ADGRA3: variants seen among roughly 807,000 people sequenced by gnomAD.
ADGRA3 encodes adhesion G protein-coupled receptor A3.
Under a neutral mutation model 119.8 loss-of-function variants are expected in ADGRA3, and 56 were observed. That is an observed-to-expected ratio of 0.47 (90% confidence interval 0.38 to 0.58). The LOEUF is 0.58. ADGRA3 is among the 20% of genes least tolerant of loss of function. ADGRA3 has a pLI of 0.00. For missense variants in ADGRA3, 1,516 were observed against 1,649.0 expected, an observed-to-expected ratio of 0.92 and a Z score of 1.40; for synonymous variants, 607 against 623.8, an observed-to-expected ratio of 0.97 and a Z score of 0.40.
At chr4:22,413,858 C>T (rs201923837) in intron 12 of ADGRA3, 44 bp from the exon 13 acceptor site, 7 of 1,300,268 alleles carry the variant, frequency 5.4e-6, no homozygotes, top group East Asian at 2.5e-5. Context: ...TACATTAGTA[C>T]ATAGAAACCA....
chr4:22,443,152 C>A, intron 6 of ADGRA3: 2 of 651,378 alleles, frequency 3.1e-6, no homozygotes, highest in South Asian at 1.7e-5. Context: ...AAAGAACAAG[C>A]TGTGCTCTAG....
At chr4:22,438,192 G>T in intron 8 of ADGRA3, 64 bp downstream of exon 8, 1 of 1,398,098 alleles carries the variant, frequency 7.2e-7, no homozygotes, top group African/African-American at 1.4e-5. Flanking sequence ...CCAATAATGT[G>T]TCTTAGACAA....
chr4:22,506,771 G>T (rs753226514), intron 1 of ADGRA3, among the ~76,000 whole-genome samples: 2 of 152,058 alleles, frequency 1.3e-5, no homozygotes, highest in Non-Finnish European at 2.9e-5. Flanking sequence ...TCCTTGGGAG[G>T]AATAGTGTAC....
chr4:22,465,785 C>A (rs1717636306), intron 2 of ADGRA3, among the ~76,000 whole-genome samples: 1 of 152,138 alleles, frequency 6.6e-6, no homozygotes, highest in African/African-American at 2.4e-5. Flanking sequence ...CTAAAGGAAC[C>A]AAGTAAATTT....
chr4:22,422,753 G>C (rs532008290), intron 11 of ADGRA3, among the ~76,000 whole-genome samples: 24 of 152,276 alleles, frequency 1.6e-4, no homozygotes, highest in Admixed American at 1.3e-3. Flanking sequence ...CAGAGAAAGG[G>C]GGGAAGTTCT....
rs1443905476 is a variant in ADGRA3, at chr4:22,515,725, C to T, written c.60G>A (p.Ser20=). Residue 20 remains serine (S), a synonymous_variant, in exon 1 of 19, where the codon TCG becomes TCA. Coordinates refer to ENST00000334304, the MANE Select transcript of ADGRA3 (RefSeq NM_145290.4). ...CCAGCAGCGCGAGCAGCGCTAACAG[C>T]GAGAGCGGCAGCAACAGCGGCGGCT... ...RAQPPLLLPL[S]LLALLALLGG... 1.2e-5 allele frequency: 13 copies of T among 1,055,732 alleles called. No homozygotes were observed. Among genetic ancestry groups the T allele is most frequent in the Non-Finnish European group, 1.5e-5 (13 of 880,568 alleles). The allele number at this position is 1,055,732 out of a possible 1,614,324, so 65.4% of individuals were successfully genotyped here. A position where few individuals can be genotyped will look rare whatever the true frequency, so the allele number is the denominator to read the frequency against.
At chr4:22,444,505 C>CA (rs989769478) in intron 6 of ADGRA3, among the ~76,000 whole-genome samples, 8 of 152,230 alleles carry the variant, frequency 5.3e-5, no homozygotes, top group Admixed American at 1.3e-4. Flanking sequence ...AGGCTAGTCT[C>CA]AAACTCCTGA....
At chr4:22,434,833 G>A (rs572811089) in intron 10 of ADGRA3, among the ~76,000 whole-genome samples, 2 of 152,084 alleles carry the variant, frequency 1.3e-5, no homozygotes, top group Non-Finnish European at 2.9e-5. Context: ...TTTAAAACTT[G>A]TATAGTCCAA....
intron 1 of ADGRA3, among the ~76,000 whole-genome samples, chr4:22,505,920 G>A (rs1719219760): frequency 6.6e-6 from 1 of 152,168 alleles, no homozygotes; most frequent in Non-Finnish European, 1.5e-5. Flanking sequence ...AACCAGGGGT[G>A]GCACTGAATA....
chr4:22,414,643 A>C (rs1299417274), intron 12 of ADGRA3: 4 of 689,856 alleles, frequency 5.8e-6, no homozygotes, highest in Admixed American at 4.3e-5. Flanking sequence ...TTCCAGTTTA[A>C]ATAACACCTT....
intron 4 of ADGRA3, among the ~76,000 whole-genome samples, chr4:22,453,539 T>G (rs1717136304): frequency 6.6e-6 from 1 of 152,206 alleles, no homozygotes; most frequent in Non-Finnish European, 1.5e-5. Context: ...AAGCCCCTAA[T>G]TGGTTTTTCA....
chr4:22,499,299 G>T (rs1048333965), intron 1 of ADGRA3, among the ~76,000 whole-genome samples: 1 of 152,196 alleles, frequency 6.6e-6, no homozygotes, highest in African/African-American at 2.4e-5. Context: ...TAGAACTTTA[G>T]CAGTTAAAGA....
intron 1 of ADGRA3, among the ~76,000 whole-genome samples, chr4:22,512,918 GC>G (rs1395763434): frequency 1.4e-5 from 2 of 146,326 alleles, no homozygotes; most frequent in Non-Finnish European, 3.0e-5. Flanking sequence ...CAAAAACTGT[GC>G]TCAACTAAGA....
chr4:22,444,782 G>GA (rs367762454), intron 6 of ADGRA3, among the ~76,000 whole-genome samples, 191 bp downstream of exon 6: 3,214 of 145,166 alleles, frequency 0.022, 121 homozygotes, highest in African/African-American at 0.075. Context: ...AAAGACAACT[G>GA]AAAAAAAAAA....
At chr4:22,500,216 C>G (rs1047215717) in intron 1 of ADGRA3, among the ~76,000 whole-genome samples, 5 of 152,150 alleles carry the variant, frequency 3.3e-5, no homozygotes, top group Admixed American at 2.6e-4. Context: ...AACACCACTA[C>G]CAAAGAAAGC....
At chr4:22,471,514 T>C (rs1488423917) in intron 2 of ADGRA3, among the ~76,000 whole-genome samples, 3 of 152,074 alleles carry the variant, frequency 2.0e-5, no homozygotes, top group Admixed American at 6.5e-5. Context: ...AGTGGGCTGC[T>C]CTCCCACAAA....
At chr4:22,414,234 G>A (rs1479844954) in intron 12 of ADGRA3, 2 of 216,940 alleles carry the variant, frequency 9.2e-6, no homozygotes, top group Non-Finnish European at 1.8e-5. Flanking sequence ...TGGGCTTATG[G>A]AACTTTAAGG....
intron 10 of ADGRA3, among the ~76,000 whole-genome samples, chr4:22,427,855 A>G (rs934903296): frequency 1.3e-5 from 2 of 152,202 alleles, no homozygotes; most frequent in Non-Finnish European, 2.9e-5. Context: ...AAAGGGTCAG[A>G]AGGACTCCTC....
chr4:22,502,207 G>A (rs1302993083), intron 1 of ADGRA3, among the ~76,000 whole-genome samples: 3 of 152,224 alleles, frequency 2.0e-5, no homozygotes, highest in African/African-American at 7.2e-5. Context: ...AATGGTTTAA[G>A]TAGTAAATAC....
Sources: gnomAD v4.1 joint callset for allele counts (sites outside exome capture counted in the v4.1 genomes callset) on GRCh38, gnomAD v4.1.1 for gene constraint, MANE v1.5 for transcripts, NCBI Gene and HGNC (gene_info 2026-07-23, HGNC 2026-07-21) for gene names.